PCDHA1: variants seen among roughly 807,000 people sequenced by gnomAD.
PCDHA1 encodes the protein protocadherin alpha-1.
PCDHA1 carries 42 observed loss-of-function variants against 61.3 expected under a neutral mutation model. That is an observed-to-expected ratio of 0.69 (90% CI 0.54 to 0.89). The LOEUF (loss-of-function observed/expected upper bound fraction) is 0.89. Ranked by LOEUF, PCDHA1 falls within the 40% of genes least tolerant of loss-of-function variation. The pLI is 0.00. For synonymous variants in PCDHA1, 610 were observed against 553.8 expected (o/e 1.10, Z -1.43); for missense variants, 1,256 against 1,235.3 (o/e 1.02, Z -0.25).
intron 1 of PCDHA1, chr5:140,850,039 G>A (rs1554143677): frequency 1.3e-6 from 2 of 1,596,568 alleles, no homozygotes; most frequent in African/African-American, 2.7e-5. Flanking sequence ...GCGGAGAGCG[G>A]CAAGGTGTAC....
intron 1 of PCDHA1, among the ~76,000 whole-genome samples, chr5:140,919,377 A>G (rs2079104195): frequency 1.3e-5 from 2 of 152,208 alleles, no homozygotes; most frequent in Non-Finnish European, 2.9e-5. Context: ...CAGACAACAC[A>G]TAGTTGGATG....
chr5:140,883,294 T>A (rs782475623), intron 1 of PCDHA1: 6 of 1,613,956 alleles, frequency 3.7e-6, no homozygotes, highest in Non-Finnish European at 4.2e-6. Context: ...AAGTACTAGA[T>A]GTAAATGATA....
chr5:140,787,330 C>G lies in PCDHA1; in HGVS notation c.1040C>G (p.Ala347Gly), dbSNP rs1761363574. 6.2e-7 allele frequency: 1 copy of G among 1,614,070 alleles called. No homozygotes were observed. The highest frequency in any genetic ancestry group is 1.3e-5 in the African/African-American group (1 of 74,952). ...LVKVLDVNDN[A>G]PELAVTSLYL... ...AAAGTGCTGGATGTAAATGATAATG[C>G]TCCAGAACTGGCGGTCACTTCATTG... is the stretch of plus-strand genomic sequence containing the variant. Residue 347 changes from alanine (A) to glycine (G), a missense_variant, in exon 1 of 4, where the codon GCT becomes GGT. Transcript: ENST00000504120.
chr5:140,920,847 A>G (rs1410435400), intron 1 of PCDHA1, among the ~76,000 whole-genome samples: 1 of 152,028 alleles, frequency 6.6e-6, no homozygotes, highest in Non-Finnish European at 1.5e-5. Flanking sequence ...AATCTAAAAA[A>G]AAAAAAAAAA....
At chr5:140,909,927 TCA>T (rs781847647) in intron 1 of PCDHA1, among the ~76,000 whole-genome samples, 6 of 152,150 alleles carry the variant, frequency 3.9e-5, no homozygotes, top group African/African-American at 9.7e-5. Flanking sequence ...CTTTCCCCAA[TCA>T]CAGTTACTCT....
At chr5:140,882,318 G>T (rs534213144) in intron 1 of PCDHA1, 1 of 1,614,128 alleles carries the variant, frequency 6.2e-7, no homozygotes, top group African/African-American at 1.3e-5. Flanking sequence ...CTACTGCTCT[G>T]GCTTCTGATC....
At chr5:140,790,135 T>C (rs1264110864) in intron 1 of PCDHA1, among the ~76,000 whole-genome samples, 1 of 152,192 alleles carries the variant, frequency 6.6e-6, no homozygotes, top group Non-Finnish European at 1.5e-5. Flanking sequence ...AAAAATAGCC[T>C]CTTCCTGCTA....
intron 1 of PCDHA1, chr5:140,966,548 A>G (rs2096020413): frequency 2.1e-6 from 1 of 465,426 alleles, no homozygotes; most frequent in Admixed American, 4.3e-5. Flanking sequence ...CTCGGAGGCG[A>G]GCGGAGGAGC....
chr5:140,832,741 C>A (rs1477110560), intron 1 of PCDHA1, among the ~76,000 whole-genome samples: 1 of 152,038 alleles, frequency 6.6e-6, no homozygotes, highest in Non-Finnish European at 1.5e-5. Flanking sequence ...TACATAAATA[C>A]GATGATAGTA....
intron 3 of PCDHA1, among the ~76,000 whole-genome samples, chr5:140,998,018 G>A (rs575495303): frequency 2.0e-5 from 3 of 152,170 alleles, no homozygotes; most frequent in Admixed American, 6.5e-5. Flanking sequence ...TCCCCACCTC[G>A]AGCTAGTGCT....
At chr5:140,923,217 ATCGTTTGAG>A (rs2081234922) in intron 1 of PCDHA1, among the ~76,000 whole-genome samples, 1 of 135,418 alleles carries the variant, frequency 7.4e-6, no homozygotes, top group Admixed American at 7.5e-5. Flanking sequence ...AGGTGAAAGG[ATCGTTTGAG>A]CCCAGAAGTT....
At chr5:140,968,288 C>G in intron 1 of PCDHA1, 2 of 1,613,976 alleles carry the variant, frequency 1.2e-6, no homozygotes, top group South Asian at 2.2e-5. Flanking sequence ...GACCTACTCC[C>G]TTCTGGAGAG....
At chr5:140,927,994 G>C in intron 1 of PCDHA1, 1 of 1,614,180 alleles carries the variant, frequency 6.2e-7, no homozygotes, top group Non-Finnish European at 8.5e-7. Flanking sequence ...AAAGGATGAA[G>C]ACCTCGATTC....
chr5:140,927,656 T>C (rs782201050), intron 1 of PCDHA1: 4 of 1,613,938 alleles, frequency 2.5e-6, no homozygotes, highest in Non-Finnish European at 3.4e-6. Flanking sequence ...TTATTCCGAG[T>C]TCAAGCCTTG....
At chr5:140,891,499 C>T (rs896936552) in intron 1 of PCDHA1, among the ~76,000 whole-genome samples, 1 of 151,838 alleles carries the variant, frequency 6.6e-6, no homozygotes, top group South Asian at 2.1e-4. Flanking sequence ...ATATCCTCAG[C>T]TATAATGTTC....
chr5:140,828,172 G>T, intron 1 of PCDHA1: 4 of 1,614,172 alleles, frequency 2.5e-6, no homozygotes, highest in South Asian at 2.2e-5. Context: ...GGAAGGTGGG[G>T]AGCGGCCAGC....
intron 1 of PCDHA1, chr5:140,849,720 C>T (rs1184011333): frequency 1.3e-6 from 2 of 1,598,576 alleles, no homozygotes; most frequent in Admixed American, 1.7e-5. Context: ...CTCGTTGGTG[C>T]TGGACAGAGC....
At chr5:140,966,763 G>C (rs1020607410) in intron 1 of PCDHA1, 1 of 1,470,370 alleles carries the variant, frequency 6.8e-7, no homozygotes, top group Non-Finnish European at 9.0e-7. Flanking sequence ...CGCGGCCAGT[G>C]GCTATGGAGC....
At chr5:140,796,464 C>T (rs782625095) in intron 1 of PCDHA1, 2 of 1,612,160 alleles carry the variant, frequency 1.2e-6, no homozygotes, top group Non-Finnish European at 1.7e-6. Context: ...GGCGGGTGGG[C>T]GAGCGCGCGT....
Sources: gnomAD v4.1 joint callset for allele counts (sites outside exome capture counted in the v4.1 genomes callset) on GRCh38, gnomAD v4.1.1 for gene constraint, MANE v1.5 for transcripts, NCBI Gene and HGNC (gene_info 2026-07-23, HGNC 2026-07-21) for gene names.